Variants in MAPK10 observed in about 807,000 individuals in gnomAD.
MAPK10 encodes mitogen-activated protein kinase 10.
A neutral mutation model predicts 59.3 loss-of-function variants in MAPK10; 25 were observed. The ratio of observed to expected loss-of-function variants is 0.42; its 90% CI spans 0.31 to 0.59. The LOEUF is 0.59. MAPK10 is among the 20% of genes least tolerant of loss of function. The pLI is 0.15. For synonymous variants in MAPK10, 190 were observed against 200.5 expected (o/e 0.95, Z 0.44); for missense variants, 351 against 568.9 (o/e 0.62, Z 3.90).
At chr4:86,194,095 C>T (rs2080684144) in intron 3 of MAPK10, 2 of 481,488 alleles carry the variant, frequency 4.2e-6, no homozygotes, top group East Asian at 3.7e-5. Flanking sequence ...TAACCTTTCC[C>T]AGTGAGATGA....
intron 1 of MAPK10, among the ~76,000 whole-genome samples, chr4:86,464,946 A>G (rs1187799693): frequency 6.6e-6 from 1 of 152,250 alleles, no homozygotes; most frequent in Admixed American, 6.5e-5. Flanking sequence ...ATCTAATGCT[A>G]GACACTTTCA....
intron 1 of MAPK10, among the ~76,000 whole-genome samples, chr4:86,385,683 T>C (rs1210998621): frequency 3.9e-5 from 6 of 152,180 alleles, no homozygotes; most frequent in Non-Finnish European, 5.9e-5. Context: ...CCACACAGAA[T>C]GAATACGATT....
At chr4:86,228,160 A>G (rs2090970342) in intron 2 of MAPK10, among the ~76,000 whole-genome samples, 1 of 152,212 alleles carries the variant, frequency 6.6e-6, no homozygotes, top group South Asian at 2.1e-4. Flanking sequence ...GTTGTCTGAT[A>G]CCTGGTCCTG....
intron 1 of MAPK10, among the ~76,000 whole-genome samples, chr4:86,421,666 G>A (rs989321904): frequency 6.6e-6 from 1 of 152,182 alleles, no homozygotes; most frequent in Non-Finnish European, 1.5e-5. Context: ...AGAGTGCGGT[G>A]CAGTAAGGAA....
intron 9 of MAPK10, among the ~76,000 whole-genome samples, chr4:86,085,744 A>G (rs1338157617): frequency 6.6e-6 from 1 of 152,208 alleles, no homozygotes; most frequent in Non-Finnish European, 1.5e-5. Flanking sequence ...ACTGCTGGGT[A>G]TATAAACAAA....
chr4:86,444,658 G>A (rs1025819188), intron 1 of MAPK10, among the ~76,000 whole-genome samples: 1 of 151,394 alleles, frequency 6.6e-6, no homozygotes, highest in Non-Finnish European at 1.5e-5. Context: ...TAAATATTTT[G>A]CAATCTATCC....
chr4:86,415,233 G>A (rs1218105454), intron 1 of MAPK10, among the ~76,000 whole-genome samples: 1 of 151,710 alleles, frequency 6.6e-6, no homozygotes, highest in Non-Finnish European at 1.5e-5. Context: ...TGTGCTCTGT[G>A]ATCATGCCAA....
At chr4:86,069,331 T>C (rs559259339) in intron 9 of MAPK10, among the ~76,000 whole-genome samples, 2 of 152,164 alleles carry the variant, frequency 1.3e-5, no homozygotes, top group Non-Finnish European at 2.9e-5. Context: ...ATAAAAAATA[T>C]ATAACCATGG....
At chr4:86,359,024 T>A (rs963950606) in intron 1 of MAPK10, 2 of 152,148 alleles carry the variant, frequency 1.3e-5, no homozygotes, top group African/African-American at 4.8e-5. Flanking sequence ...CCGGCTCAGA[T>A]TTAGCCTAGA....
At chr4:86,546,508 G>A (rs1759176499) in intron 1 of MAPK10, among the ~76,000 whole-genome samples, 1 of 149,702 alleles carries the variant, frequency 6.7e-6, no homozygotes, top group African/African-American at 2.5e-5. Flanking sequence ...AGTGAGACGA[G>A]ATCGCGCTAC....
chr4:86,450,452 G>T (rs537023663), intron 1 of MAPK10, among the ~76,000 whole-genome samples: 1 of 152,246 alleles, frequency 6.6e-6, no homozygotes, highest in South Asian at 2.1e-4. Context: ...TTTTATAAAT[G>T]TAAGAGTCTA....
At chr4:86,172,816 C>A (rs1240390515) in intron 3 of MAPK10, among the ~76,000 whole-genome samples, 1 of 149,548 alleles carries the variant, frequency 6.7e-6, no homozygotes, top group African/African-American at 2.5e-5. Flanking sequence ...TTCCTATACA[C>A]CAACAATAGG....
intron 2 of MAPK10, among the ~76,000 whole-genome samples, chr4:86,281,273 C>A (rs1460762405): frequency 6.6e-6 from 1 of 152,080 alleles, no homozygotes; most frequent in Admixed American, 6.6e-5. Context: ...AGGAGGCAGG[C>A]AGATCACCTC....
At chr4:86,434,238 CA>C (rs1748414745) in intron 1 of MAPK10, among the ~76,000 whole-genome samples, 2 of 152,072 alleles carry the variant, frequency 1.3e-5, no homozygotes, top group Admixed American at 1.3e-4. Context: ...TTGGTCTGGG[CA>C]AAGAGTTTTT....
intron 1 of MAPK10, among the ~76,000 whole-genome samples, chr4:86,588,781 T>C (rs989006999): frequency 3.3e-5 from 5 of 152,220 alleles, no homozygotes; most frequent in African/African-American, 9.6e-5. Flanking sequence ...TTATATTTTA[T>C]GTAGTAAAAT....
intron 3 of MAPK10, among the ~76,000 whole-genome samples, chr4:86,191,169 G>A (rs2079654401): frequency 6.6e-6 from 1 of 152,086 alleles, no homozygotes; most frequent in African/African-American, 2.4e-5. Context: ...TTCCAATTAT[G>A]TGGTCAATTT....
intron 13 of MAPK10, among the ~76,000 whole-genome samples, chr4:86,025,749 T>C (rs895902712): frequency 1.3e-5 from 2 of 152,150 alleles, no homozygotes; most frequent in Middle Eastern, 3.2e-3. Flanking sequence ...TCAGATTTCA[T>C]AGAAAGAAGT....
chr4:86,303,287 A>C (rs2095503025), intron 2 of MAPK10, among the ~76,000 whole-genome samples: 2 of 152,174 alleles, frequency 1.3e-5, no homozygotes, highest in Non-Finnish European at 2.9e-5. Context: ...TGCTCTAAGT[A>C]ACCAATTCCC....
chr4:86,191,342 G>T (rs1582393399), intron 3 of MAPK10, among the ~76,000 whole-genome samples: 1 of 151,922 alleles, frequency 6.6e-6, no homozygotes, highest in East Asian at 1.9e-4. Context: ...ATTGACAATG[G>T]GGTGTTAAAT....
Sources: gnomAD v4.1 joint callset for allele counts (sites outside exome capture counted in the v4.1 genomes callset) on GRCh38, gnomAD v4.1.1 for gene constraint, MANE v1.5 for transcripts, NCBI Gene and HGNC (gene_info 2026-07-23, HGNC 2026-07-21) for gene names.